Variants in DLEC1 observed in about 807,000 individuals in gnomAD.
DLEC1 encodes the protein deleted in lung and esophageal cancer protein 1.
Under a neutral mutation model 198.1 loss-of-function variants are expected in DLEC1, and 146 were observed. The ratio of observed to expected loss-of-function variants is 0.74; its 90% CI spans 0.64 to 0.85. The LOEUF is 0.85. Among genes scored for constraint, DLEC1 ranks in the 40% least tolerant of loss-of-function variants. The probability of loss-of-function intolerance (pLI) is 0.00; values close to 1 mark genes in which losing one functional copy is unlikely to be tolerated. For synonymous variants in DLEC1, 897 were observed against 866.8 expected (o/e 1.03, Z -0.61); for missense variants, 2,233 against 2,220.0 (o/e 1.01, Z -0.12).
intron 31 of DLEC1, 27 bp downstream of exon 31, chr3:38,117,329 C>T (rs1164003087): frequency 1.2e-6 from 2 of 1,612,140 alleles, no homozygotes; most frequent in Non-Finnish European, 8.5e-7. Flanking sequence ...GCCCCATCTC[C>T]TTTCATCCCC....
At chr3:38,069,106 A>T (rs1251165319) in intron 6 of DLEC1, among the ~76,000 whole-genome samples, 1 of 152,184 alleles carries the variant, frequency 6.6e-6, no homozygotes, top group African/African-American at 2.4e-5. Flanking sequence ...AGGATGAAAA[A>T]GTGTTTATCT....
rs1699746054 is a variant in DLEC1, at chr3:38,109,441, A to G, written c.3139A>G (p.Thr1047Ala). ...ATGGGCTTTCTTATAGGAAGAGCTG[A>G]CCCATCTGGCCCTCCCTTGTCACGT... ...ELTAHTQEEL[T>A]HLALPCHVSG... is the part of the protein sequence containing the mutation. The change falls in exon 22 of 37, where the codon ACC (threonine) becomes GCC (alanine). Residue 1047 changes from threonine (T) to alanine (A), a missense_variant. Coordinates refer to ENST00000308059, the MANE Select transcript of DLEC1 (RefSeq NM_007335.4). The G allele has an allele frequency of 1.2e-6, 2 of 1,613,982 alleles. No homozygotes were observed.
chr3:38,098,640 T>C (rs1476307830), intron 18 of DLEC1, among the ~76,000 whole-genome samples: 1 of 152,126 alleles, frequency 6.6e-6, no homozygotes, highest in African/African-American at 2.4e-5. Flanking sequence ...GTCCCCATCC[T>C]GCTTGCCCAC....
intron 1 of DLEC1, among the ~76,000 whole-genome samples, chr3:38,040,785 C>CA (rs1464495161): frequency 6.6e-6 from 1 of 152,154 alleles, no homozygotes; most frequent in African/African-American, 2.4e-5. Context: ...GCCACTATAC[C>CA]AGAGTCTGAA....
chr3:38,114,675 A>C (rs1268893950), intron 26 of DLEC1, among the ~76,000 whole-genome samples: 2 of 152,056 alleles, frequency 1.3e-5, no homozygotes, highest in Non-Finnish European at 2.9e-5. Flanking sequence ...TTTGTGGGGC[A>C]GAAGTGGCGA....
In DLEC1 at chr3:38,100,358, T is replaced by G. The variant is rs1040838311; in HGVS notation, c.2797T>G (p.Leu933Val). 3.7e-6 allele frequency: 6 copies of G among 1,613,906 alleles called. No homozygotes were observed. In the East Asian group the frequency reaches 1.3e-4, roughly 36 times the overall value. ...SLGECRVDITLEALHCQHLET... is the reference protein window; with the variant it reads ...SLGECRVDITVEALHCQHLET... The stretch of plus-strand genomic sequence containing the variant: ...GGGGGAGTGCAGGGTGGACATCACC[T>G]TGGAGGCCCTGCACTGCCAGCATCT... Residue 933 changes from leucine (L) to valine (V), a missense_variant, in exon 19 of 37, where the codon TTG becomes GTG. Transcript: ENST00000308059.
chr3:38,088,607 C>T (rs1332150532), intron 10 of DLEC1, among the ~76,000 whole-genome samples: 4 of 152,172 alleles, frequency 2.6e-5, no homozygotes, highest in African/African-American at 9.7e-5. Flanking sequence ...AGCATCACAT[C>T]ACAAACCTGA....
At chr3:38,071,061 G>A (rs1038645008) in intron 6 of DLEC1, among the ~76,000 whole-genome samples, 11 of 152,292 alleles carry the variant, frequency 7.2e-5, no homozygotes, top group African/African-American at 2.2e-4. Context: ...TGCTTCAAGC[G>A]GGATTGGGGC....
intron 19 of DLEC1, among the ~76,000 whole-genome samples, chr3:38,101,773 A>G (rs1699318860): frequency 6.6e-6 from 1 of 152,122 alleles, no homozygotes; most frequent in South Asian, 2.1e-4. Flanking sequence ...TAACAAATAC[A>G]GGTCTAGGTA....
chr3:38,082,997 G>A (rs879471469), intron 6 of DLEC1, among the ~76,000 whole-genome samples: 3 of 151,958 alleles, frequency 2.0e-5, no homozygotes, highest in Non-Finnish European at 4.4e-5. Flanking sequence ...GAAAATGAAA[G>A]GAATTGAAAT....
chr3:38,085,709 C>T (rs1009168220), intron 8 of DLEC1, among the ~76,000 whole-genome samples: 6 of 152,098 alleles, frequency 3.9e-5, no homozygotes, highest in Admixed American at 1.3e-4. Flanking sequence ...CTAACCCCAC[C>T]ATAGGTTTTG....
chr3:38,041,600 G>A (rs1315399616), intron 1 of DLEC1, among the ~76,000 whole-genome samples: 1 of 152,038 alleles, frequency 6.6e-6, no homozygotes, highest in Non-Finnish European at 1.5e-5. Context: ...TATAATCCCA[G>A]CACTTTGGGA....
intron 6 of DLEC1, among the ~76,000 whole-genome samples, chr3:38,071,477 T>A (rs1490683052): frequency 6.6e-6 from 1 of 152,228 alleles, no homozygotes; most frequent in Non-Finnish European, 1.5e-5. Flanking sequence ...CCTGTGAGGC[T>A]GGAAGGAGGT....
At chr3:38,052,903 C>T (rs1014247481) in intron 2 of DLEC1, among the ~76,000 whole-genome samples, 4 of 152,238 alleles carry the variant, frequency 2.6e-5, no homozygotes, top group Non-Finnish European at 5.9e-5. Flanking sequence ...GATTCTCCTG[C>T]CTCAGCCTGC....
chr3:38,108,346 A>G, intron 20 of DLEC1, 59 bp from the exon 21 acceptor site: 1 of 1,400,862 alleles, frequency 7.1e-7, no homozygotes, highest in South Asian at 1.2e-5. Context: ...CACTCTCTGG[A>G]TACTGGTCCA....
At chr3:38,053,574 T>TG (rs1462003014) in intron 2 of DLEC1, among the ~76,000 whole-genome samples, 1 of 121,260 alleles carries the variant, frequency 8.2e-6, no homozygotes, top group Non-Finnish European at 1.7e-5. Flanking sequence ...GTCCGGGAGG[T>TG]GGGGGGCAGC....
At chr3:38,056,116 C>CACACACACAA (rs1447856110) in intron 2 of DLEC1, among the ~76,000 whole-genome samples, 1 of 110,824 alleles carries the variant, frequency 9.0e-6, no homozygotes, top group Admixed American at 8.8e-5. Context: ...CACACACACA[C>CACACACACAA]AAATAGCTGA....
At chr3:38,121,113 G>A (rs571438812) in intron 34 of DLEC1, among the ~76,000 whole-genome samples, 57 of 152,318 alleles carry the variant, frequency 3.7e-4, no homozygotes, top group Middle Eastern at 6.8e-3. Context: ...TAGAGAGGCC[G>A]GGGGCAGGAG....
At chr3:38,109,116 G>A (rs1372758608) in intron 21 of DLEC1, among the ~76,000 whole-genome samples, 2 of 152,244 alleles carry the variant, frequency 1.3e-5, no homozygotes, top group African/African-American at 4.8e-5. Flanking sequence ...CTTGCTCAGG[G>A]AGGGTTTGAT....
Sources: gnomAD v4.1 joint callset for allele counts (sites outside exome capture counted in the v4.1 genomes callset) on GRCh38, gnomAD v4.1.1 for gene constraint, MANE v1.5 for transcripts, NCBI Gene and HGNC (gene_info 2026-07-23, HGNC 2026-07-21) for gene names.